The following HECW1 variants were observed in gnomAD, a reference collection of about 807,000 sequenced individuals.
HECW1 encodes the protein HECT, C2 and WW domain containing E3 ubiquitin protein ligase 1.
HECW1 carries 61 observed loss-of-function variants against 182.3 expected under a neutral mutation model. That is an observed-to-expected ratio of 0.33 (90% CI 0.27 to 0.41). The LOEUF is 0.41. Among genes scored for constraint, HECW1 ranks in the 10% least tolerant of loss-of-function variants. The pLI is 1.00. For synonymous variants in HECW1, 859 were observed against 832.6 expected (o/e 1.03, Z -0.55); for missense variants, 1,739 against 2,108.9 (o/e 0.82, Z 3.44).
chr7:43,428,481 G>C (rs1201885392), intron 8 of HECW1, among the ~76,000 whole-genome samples: 1 of 152,186 alleles, frequency 6.6e-6, no homozygotes, highest in African/African-American at 2.4e-5. Context: ...TGAAGACAGG[G>C]AGACCAGTTA....
Position 43,565,026 on chromosome 7 carries a change from T to C in HECW1, c.*3100T>C, listed in dbSNP as rs1205597330. Reference sequence around the variant, plus strand: ...TCAGGGGACAAACAAGAACAATAAATAAGAGAAGATTTATGTTACAACTTT... The same window carrying C: ...TCAGGGGACAAACAAGAACAATAAACAAGAGAAGATTTATGTTACAACTTT... On this transcript the variant is annotated 3_prime_UTR_variant, in exon 30 of 30. Transcript: ENST00000395891. 1 of 188,972 alleles carries C rather than the reference T, an allele frequency of 5.3e-6. No homozygotes were observed. The highest frequency in any genetic ancestry group is 1.1e-5 in the Non-Finnish European group (1 of 89,982). The allele number at this position is 188,972 out of a possible 1,614,324, so 11.7% of individuals were successfully genotyped here. A position where few individuals can be genotyped will look rare whatever the true frequency, so the allele number is the denominator to read the frequency against.
chr7:43,559,337 T>C (rs1314894842), intron 29 of HECW1, among the ~76,000 whole-genome samples: 3 of 150,418 alleles, frequency 2.0e-5, no homozygotes, highest in African/African-American at 7.4e-5. Context: ...TCGCACCAAG[T>C]GTGAGAAGAG....
chr7:43,389,816 A>G (rs1012972266), intron 6 of HECW1, among the ~76,000 whole-genome samples: 3 of 151,974 alleles, frequency 2.0e-5, no homozygotes, highest in Non-Finnish European at 4.4e-5. Context: ...AAATTTTTGT[A>G]GAGAAAGAGT....
At chr7:43,365,221 A>G (rs1816475122) in intron 6 of HECW1, among the ~76,000 whole-genome samples, 1 of 152,232 alleles carries the variant, frequency 6.6e-6, no homozygotes, top group Non-Finnish European at 1.5e-5. Flanking sequence ...TGTTGGTGTG[A>G]GCCAGGTAAG....
intron 2 of HECW1, among the ~76,000 whole-genome samples, chr7:43,225,869 C>T (rs112668179): frequency 5.9e-5 from 9 of 152,148 alleles, no homozygotes; most frequent in Admixed American, 1.3e-4. Context: ...TCTGCAGCTT[C>T]GACTGATCAT....
chr7:43,198,019 A>T (rs1562661911), intron 2 of HECW1, among the ~76,000 whole-genome samples: 1 of 151,198 alleles, frequency 6.6e-6, no homozygotes, highest in South Asian at 2.1e-4. Flanking sequence ...CAACGCACAC[A>T]CTCCAACAAC....
At chr7:43,328,446 C>A (rs564585542) in intron 5 of HECW1, among the ~76,000 whole-genome samples, 3 of 152,228 alleles carry the variant, frequency 2.0e-5, no homozygotes, top group African/African-American at 4.8e-5. Context: ...AGAGGGGCTG[C>A]GGTTGCTGCT....
intron 24 of HECW1, among the ~76,000 whole-genome samples, chr7:43,514,963 C>A (rs2080074753): frequency 6.6e-6 from 1 of 152,056 alleles, no homozygotes; most frequent in African/African-American, 2.4e-5. Context: ...CAGGATCTAG[C>A]CCCCATTCAA....
intron 2 of HECW1, among the ~76,000 whole-genome samples, chr7:43,231,364 A>C (rs1797861614): frequency 6.6e-6 from 1 of 152,196 alleles, no homozygotes; most frequent in Non-Finnish European, 1.5e-5. Flanking sequence ...GGATTCACTG[A>C]ATTGATTTCC....
chr7:43,488,418 G>GAAAGAA (rs1563045561), intron 17 of HECW1, among the ~76,000 whole-genome samples: 2 of 84,914 alleles, frequency 2.4e-5, no homozygotes, highest in African/African-American at 4.3e-5. Flanking sequence ...GAAAGAGAGA[G>GAAAGAA]AGAGAAAGAA....
chr7:43,166,576 G>C (rs1256905621), intron 2 of HECW1, among the ~76,000 whole-genome samples: 1 of 152,158 alleles, frequency 6.6e-6, no homozygotes, highest in Non-Finnish European at 1.5e-5. Context: ...CACATTACAA[G>C]TAAAAGCTTT....
At chr7:43,263,115 T>C (rs983489935) in intron 3 of HECW1, among the ~76,000 whole-genome samples, 2 of 152,224 alleles carry the variant, frequency 1.3e-5, no homozygotes, top group African/African-American at 2.4e-5. Flanking sequence ...ATGAAAAGAA[T>C]ACAGTTCAAT....
At chr7:43,472,566 G>A (rs1265918959) in intron 16 of HECW1, among the ~76,000 whole-genome samples, 9 of 151,372 alleles carry the variant, frequency 5.9e-5, no homozygotes, top group African/African-American at 2.2e-4. Flanking sequence ...GGTATAGCAG[G>A]AATAATTAAG....
intron 2 of HECW1, among the ~76,000 whole-genome samples, chr7:43,235,399 A>C (rs993558943): frequency 2.0e-5 from 3 of 152,208 alleles, no homozygotes; most frequent in Non-Finnish European, 4.4e-5. Flanking sequence ...AAAAGACAAC[A>C]GAAGGGAATA....
intron 17 of HECW1, among the ~76,000 whole-genome samples, chr7:43,486,267 T>C (rs1296606591): frequency 3.3e-5 from 5 of 152,178 alleles, no homozygotes; most frequent in African/African-American, 9.7e-5. Context: ...CAGTCTATCA[T>C]TGATGGGCAT....
At position 43,456,312 on chromosome 7, in the gene HECW1, T is replaced by C; in HGVS notation, c.2516T>C (p.Ile839Thr). ...EPLPPNWEARIDSHGRVFYVD... is the reference protein window; with the variant it reads ...EPLPPNWEARTDSHGRVFYVD... Reference sequence around the variant, plus strand: ...TAAACACTAGACTGGGAAGCTCGAATTGACAGCCACGGGCGGGTCTTTTAT... The same window carrying C: ...TAAACACTAGACTGGGAAGCTCGAACTGACAGCCACGGGCGGGTCTTTTAT... The change falls in exon 13 of 30, where the codon ATT (isoleucine) becomes ACT (threonine). Residue 839 changes from isoleucine (I) to threonine (T), a missense_variant. Around this residue, in one of 5 missense-constraint regions of HECW1, gnomAD observed 971 missense variants for 1,029.1 expected, o/e 0.94. Coordinates refer to ENST00000395891, the MANE Select transcript of HECW1 (RefSeq NM_015052.5). The C allele has an allele frequency of 6.2e-7, 1 of 1,612,280 alleles. No homozygotes were observed. Among genetic ancestry groups the C allele is most frequent in the Non-Finnish European group, 8.5e-7 (1 of 1,178,820 alleles).
chr7:43,518,010 A>T (rs958584076), intron 24 of HECW1, among the ~76,000 whole-genome samples: 1 of 152,214 alleles, frequency 6.6e-6, no homozygotes, highest in Non-Finnish European at 1.5e-5. Flanking sequence ...CCAAAAGAAA[A>T]TTATGTTAGA....
intron 2 of HECW1, among the ~76,000 whole-genome samples, chr7:43,128,350 T>A (rs995720992): frequency 2.6e-5 from 4 of 152,192 alleles, no homozygotes; most frequent in Non-Finnish European, 5.9e-5. Flanking sequence ...CAATGCCCAT[T>A]TACCATATGA....
At position 43,351,680 on chromosome 7, in the gene HECW1, T is replaced by TC. The variant is rs56811536; in HGVS notation, c.461-9206_461-9205insC. Among the ~76,000 whole-genome samples, 680 of 115,316 alleles carry TC rather than the reference T, an allele frequency of 5.9e-3. 5 individuals are homozygous for TC. Among genetic ancestry groups the TC allele is most frequent in the African/African-American group, 0.019 (646 of 34,694 alleles). 75.7% of individuals were successfully genotyped at this position (115,316 alleles called of 152,430 possible). ...GTCAGCTGTTTTTTTTCTTTCTTCT[T>TC]TTTTTTTTTTTTTTTTTACATTGCC... On this transcript the variant is annotated intron_variant, in intron 5 of 29. Coordinates refer to ENST00000395891, the MANE Select transcript of HECW1 (RefSeq NM_015052.5).
Sources: allele counts gnomAD v4.1 joint callset (sites outside exome capture counted in the v4.1 genomes callset), GRCh38; gene constraint gnomAD v4.1.1; regional missense constraint gnomAD v4.1.1; transcripts MANE v1.5; gene names NCBI Gene and HGNC (gene_info 2026-07-23, HGNC 2026-07-21).